Variants in COPS8 observed in about 807,000 individuals in gnomAD.
The protein encoded by COPS8 is COP9 signalosome subunit 8.
In COPS8, 11 loss-of-function variants were observed where a neutral mutation model predicts 31.5. That is an observed-to-expected ratio of 0.35 (90% CI 0.22 to 0.58). The LOEUF (loss-of-function observed/expected upper bound fraction) is 0.58. Ranked by LOEUF, COPS8 falls within the 20% of genes least tolerant of loss-of-function variation. COPS8 has a pLI of 0.83. For synonymous variants in COPS8, 81 were observed against 89.3 expected (o/e 0.91, Z 0.52); for missense variants, 215 against 255.1 (o/e 0.84, Z 1.07).
intron 5 of COPS8, 46 bp from the exon 6 acceptor site, chr2:237,095,776 G>T: frequency 7.8e-7 from 1 of 1,284,452 alleles, no homozygotes; most frequent in Non-Finnish European, 1.1e-6. Flanking sequence ...GATTTTGTGG[G>T]GTGTTTTATT....
rs111267398 is a variant in COPS8, at chr2:237,089,836, C to T, written c.199-26C>T. ...TTGGTGCATTTACAGAGTGAATACC[C>T]TCTAAGGCAATAATATTTATTGCAG... is the stretch of plus-strand genomic sequence containing the variant. On this transcript the variant is annotated intron_variant, in intron 3 of 7. Coordinates refer to ENST00000354371, the MANE Select transcript of COPS8 (RefSeq NM_006710.5). The T allele has an allele frequency of 1.1e-3, 1,833 of 1,610,074 alleles. 19 individuals are homozygous for T. In the African/African-American group the frequency reaches 0.019, roughly 17 times the overall value.
intron 1 of COPS8, chr2:237,086,666 G>C (rs1225554538): frequency 6.8e-6 from 2 of 292,980 alleles, no homozygotes; most frequent in Non-Finnish European, 1.0e-5. Flanking sequence ...ATACTTTCCA[G>C]TTGAGTTAAA....
At chr2:237,086,136 G>A (rs1461821504) in intron 1 of COPS8, 94 bp downstream of exon 1, 1 of 1,205,422 alleles carries the variant, frequency 8.3e-7, no homozygotes, top group East Asian at 2.6e-5. Context: ...GAGGCTAGCG[G>A]GCTTTGGGAG....
intron 4 of COPS8, chr2:237,093,653 T>TA (rs1696745760): frequency 6.1e-6 from 6 of 981,096 alleles, no homozygotes; most frequent in Non-Finnish European, 7.3e-6. Context: ...ATTTGTTCTG[T>TA]AACTCCCAGG....
intron 2 of COPS8, chr2:237,087,580 GT>G (rs965440141): frequency 4.1e-5 from 10 of 241,260 alleles, no homozygotes; most frequent in African/African-American, 4.7e-5. Flanking sequence ...GATTTTTTAA[GT>G]TTTTTTTGTT....
intron 5 of COPS8, 49 bp downstream of exon 5, chr2:237,094,246 G>A (rs755964282): frequency 7.1e-6 from 11 of 1,538,676 alleles, no homozygotes; most frequent in Middle Eastern, 1.7e-4. Flanking sequence ...AAATAGAAGT[G>A]TGAATTGTAG....
Position 237,089,909 on chromosome 2 carries a change from G to C in COPS8, c.246G>C (p.Trp82Cys). ...GGIWSVGQRI[W>C]QRDFPGIYTT... Reference sequence around the variant, plus strand: ...TTTGGTCAGTAGGACAAAGAATCTGGCAGAGAGATTTCCCTGGGATCTATA... The same window carrying C: ...TTTGGTCAGTAGGACAAAGAATCTGCCAGAGAGATTTCCCTGGGATCTATA... Residue 82 changes from tryptophan (W) to cysteine (C), a missense_variant, in exon 4 of 8, where the codon TGG becomes TGC. Transcript: ENST00000354371. The C allele has an allele frequency of 6.2e-7, 1 of 1,613,364 alleles. No homozygotes were observed. The highest frequency in any genetic ancestry group is 1.3e-5 in the African/African-American group (1 of 75,014).
At chr2:237,089,760 A>G in intron 3 of COPS8, 102 bp from the exon 4 acceptor site, 1 of 1,138,726 alleles carries the variant, frequency 8.8e-7, no homozygotes, top group Non-Finnish European at 1.3e-6. Context: ...TTAATGATGT[A>G]GCTAACAAGT....
intron 7 of COPS8, 65 bp from the exon 8 acceptor site, chr2:237,097,598 G>T (rs889554376): frequency 2.3e-5 from 27 of 1,179,848 alleles, no homozygotes; most frequent in Non-Finnish European, 3.4e-5. Context: ...GGAGGTAGGT[G>T]TTGGGGCCAA....
chr2:237,094,337 C>T (rs1696757040), intron 5 of COPS8, 140 bp downstream of exon 5: 2 of 769,658 alleles, frequency 2.6e-6, no homozygotes, highest in South Asian at 3.8e-5. Flanking sequence ...TGATATGAAA[C>T]AGGTGTTGTG....
At position 237,097,799 on chromosome 2, in the gene COPS8, A is replaced by C. The variant is rs1574839987; in HGVS notation, c.*57A>C. On this transcript the variant is annotated 3_prime_UTR_variant, in exon 8 of 8. Transcript: ENST00000354371. ...GAATCCTGTATACTGACAAACGTAG[A>C]AATGTAAAGTTTGTATTTTCAATTT... is the stretch of plus-strand genomic sequence containing the variant. The C allele has an allele frequency of 7.7e-7, 1 of 1,302,246 alleles. No homozygotes were observed. Among genetic ancestry groups the C allele is most frequent in the East Asian group, 2.3e-5 (1 of 42,916 alleles). 80.7% of individuals were successfully genotyped at this position (1,302,246 alleles called of 1,614,324 possible).
intron 4 of COPS8, among the ~76,000 whole-genome samples, chr2:237,092,350 A>G (rs1234972033): frequency 6.6e-6 from 1 of 152,154 alleles, no homozygotes; most frequent in Non-Finnish European, 1.5e-5. Flanking sequence ...CACTTCTCCC[A>G]TCACATGTTT....
At chr2:237,094,332 T>C (rs923818199) in intron 5 of COPS8, 135 bp downstream of exon 5, 2 of 780,408 alleles carry the variant, frequency 2.6e-6, no homozygotes, top group East Asian at 2.7e-5. Context: ...AGAGGTGATA[T>C]GAAACAGGTG....
Position 237,094,198 on chromosome 2 carries a change from G to T in COPS8, c.439+1G>T. The T allele has an allele frequency of 6.2e-7, 1 of 1,612,718 alleles. No homozygotes were observed. Among genetic ancestry groups the T allele is most frequent in the Non-Finnish European group, 8.5e-7 (1 of 1,179,430 alleles). ...CTTCCTGTAGAAGAGGCTGTGAAAG[G>T]TAATTTTGGCTTACTTTTTACTTAT... On this transcript the variant is annotated splice_donor_variant, in intron 5 of 7. Transcript: ENST00000354371. LOFTEE classifies it high-confidence loss of function.
chr2:237,087,466 A>G, intron 2 of COPS8: 1 of 465,198 alleles, frequency 2.1e-6, no homozygotes, highest in South Asian at 2.3e-5. Flanking sequence ...TTTTTAAGAA[A>G]CTTTTATGAC....
At chr2:237,086,175 T>G (rs1574834713) in intron 1 of COPS8, 133 bp downstream of exon 1, 1 of 840,930 alleles carries the variant, frequency 1.2e-6, no homozygotes, top group Non-Finnish European at 1.9e-6. Flanking sequence ...GAGGTGGACG[T>G]GTGGATCCCT....
rs541549877 is a variant in COPS8 at position 237,095,098 on chromosome 2, A to G, written c.440-724A>G. Among the ~76,000 whole-genome samples the G allele has an allele frequency of 2.0e-5, 3 of 152,348 alleles. No homozygotes were observed. The East Asian group carries it at 5.8e-4, about 29-fold the overall frequency. ...TTTCCAGGGCCTAGCATAGTTGTAG[A>G]TACATGAAGATAGGTTAATGAAAGT... On this transcript the variant is annotated intron_variant, in intron 5 of 7. Coordinates refer to ENST00000354371, the MANE Select transcript of COPS8 (RefSeq NM_006710.5).
At chr2:237,091,596 T>C (rs1230744475) in intron 4 of COPS8, among the ~76,000 whole-genome samples, 1 of 152,270 alleles carries the variant, frequency 6.6e-6, no homozygotes, top group Admixed American at 6.5e-5. Flanking sequence ...ACTTATTTTC[T>C]AGTTGAGAAC....
chr2:237,099,385 A>G lies in COPS8; in HGVS notation c.*1643A>G, dbSNP rs1331139554. 1 of 152,208 alleles carries G rather than the reference A, an allele frequency of 6.6e-6. No homozygotes were observed. Among genetic ancestry groups the G allele is most frequent in the Admixed American group, 6.5e-5 (1 of 15,286 alleles). 9.4% of individuals were successfully genotyped at this position (152,208 alleles called of 1,614,324 possible). On this transcript the variant is annotated 3_prime_UTR_variant, in exon 8 of 8. Coordinates refer to ENST00000354371, the MANE Select transcript of COPS8 (RefSeq NM_006710.5). ...GGACAGTGAACTACTACATAGAGAA[A>G]AAATAATCTCAAGTGATCAAACACA... is the stretch of plus-strand genomic sequence containing the variant.
Sources: allele counts gnomAD v4.1 joint callset (sites outside exome capture counted in the v4.1 genomes callset), GRCh38; gene constraint gnomAD v4.1.1; transcripts MANE v1.5; gene names NCBI Gene and HGNC (gene_info 2026-07-23, HGNC 2026-07-21).